Variants in CPA6 observed in about 807,000 individuals in gnomAD.
The protein encoded by CPA6 is carboxypeptidase B.
CPA6 carries 58 observed loss-of-function variants against 63.3 expected under a neutral mutation model. The observed-to-expected ratio is 0.92, with a 90% CI of 0.74 to 1.14. The LOEUF is 1.14. CPA6 is among the 50% of genes most tolerant of loss of function. CPA6 has a pLI of 0.00. For missense variants in CPA6, 565 were observed against 526.6 expected (o/e 1.07, Z -0.71); for synonymous variants, 185 against 179.0 (o/e 1.03, Z -0.27).
At chr8:67,635,278 TCAA>T (rs1402846522) in intron 1 of CPA6, among the ~76,000 whole-genome samples, 2 of 150,534 alleles carry the variant, frequency 1.3e-5, no homozygotes, top group Non-Finnish European at 2.9e-5. Flanking sequence ...CCGAATACAT[TCAA>T]CCTTTTTGTT....
intron 1 of CPA6, among the ~76,000 whole-genome samples, chr8:67,654,597 T>C (rs1815938394): frequency 6.6e-6 from 1 of 152,202 alleles, no homozygotes; most frequent in African/African-American, 2.4e-5. Context: ...ATATCCCCTT[T>C]ATCATTTTTT....
At chr8:67,459,204 T>C (rs1163728235) in intron 8 of CPA6, among the ~76,000 whole-genome samples, 1 of 152,168 alleles carries the variant, frequency 6.6e-6, no homozygotes, top group Non-Finnish European at 1.5e-5. Flanking sequence ...TTTGTATTTT[T>C]AGTAGAGATG....
chr8:67,428,472 T>G (rs930179001), intron 9 of CPA6, among the ~76,000 whole-genome samples: 9 of 152,118 alleles, frequency 5.9e-5, no homozygotes, highest in African/African-American at 2.2e-4. Context: ...TTGACTTTAG[T>G]TCAAGGCAAC....
intron 2 of CPA6, among the ~76,000 whole-genome samples, chr8:67,532,658 C>T (rs1307670875): frequency 6.6e-6 from 1 of 152,060 alleles, no homozygotes; most frequent in Non-Finnish European, 1.5e-5. Context: ...CAGACCAAGA[C>T]CCTGTGTCAA....
At chr8:67,589,514 G>A (rs1814046560) in intron 2 of CPA6, among the ~76,000 whole-genome samples, 1 of 152,092 alleles carries the variant, frequency 6.6e-6, no homozygotes. Flanking sequence ...CTTTACTGGG[G>A]GACAGGTAAG....
chr8:67,724,140 A>G (rs1482907050), intron 1 of CPA6, among the ~76,000 whole-genome samples: 1 of 152,166 alleles, frequency 6.6e-6, no homozygotes, highest in Non-Finnish European at 1.5e-5. Context: ...CCTCTCTGAC[A>G]CACTACTTCT....
intron 1 of CPA6, among the ~76,000 whole-genome samples, chr8:67,676,669 C>T (rs376754884): frequency 6.6e-6 from 1 of 152,182 alleles, no homozygotes; most frequent in Non-Finnish European, 1.5e-5. Context: ...CAGGCTTTTA[C>T]ATGCCTAGTG....
intron 2 of CPA6, among the ~76,000 whole-genome samples, chr8:67,612,588 G>C (rs1333779261): frequency 6.6e-6 from 1 of 152,240 alleles, no homozygotes; most frequent in Non-Finnish European, 1.5e-5. Context: ...CTGATGATCA[G>C]ATAGCCTCAA....
At chr8:67,595,322 G>A (rs1329221811) in intron 2 of CPA6, among the ~76,000 whole-genome samples, 2 of 152,194 alleles carry the variant, frequency 1.3e-5, no homozygotes, top group East Asian at 3.8e-4. Flanking sequence ...GGCTGCTCGG[G>A]GGTCAGGGGT....
At chr8:67,575,654 C>T (rs1270684179) in intron 2 of CPA6, among the ~76,000 whole-genome samples, 5 of 152,052 alleles carry the variant, frequency 3.3e-5, no homozygotes, top group African/African-American at 9.7e-5. Flanking sequence ...GCCAGGAGTT[C>T]GAGACCAGCC....
chr8:67,607,180 CTTCTTCTTCTTCTTCTTCTTCT>C lies in CPA6; in HGVS notation c.192+16974_192+16995del, dbSNP rs1564021258. 2.4e-3 allele frequency among the ~76,000 whole-genome samples: 45 copies of C among 19,110 alleles called. 3 individuals carry two copies. In the East Asian group the frequency reaches 0.063, roughly 27 times the overall value. 12.5% of individuals were successfully genotyped at this position (19,110 alleles called of 152,430 possible). A position where few individuals can be genotyped will look rare whatever the true frequency, so the allele number is the denominator to read the frequency against. On this transcript the variant is annotated intron_variant, in intron 2 of 10. Coordinates refer to ENST00000297770, the MANE Select transcript of CPA6 (RefSeq NM_020361.5). Reference sequence around the variant, plus strand: ...TCTTCTTCTTCTTCCTCTTCTTCTTCTTCTTCTTCTTCTTCTTCTTCTTCTTCTTCTTCTTCTTCTTCTTCTT... The same window carrying C: ...TCTTCTTCTTCTTCCTCTTCTTCTTCTCTTCTTCTTCTTCTTCTTCTTCTT...
chr8:67,677,342 C>CTTTTTTTTTTTTTTTTT (rs35049117), intron 1 of CPA6, among the ~76,000 whole-genome samples: 1 of 128,368 alleles, frequency 7.8e-6, no homozygotes, highest in Non-Finnish European at 1.6e-5. Context: ...AAAACACCTT[C>CTTTTTTTTTTTTTTTTT]TTTTTTTTTT....
chr8:67,665,700 A>G (rs1816211831), intron 1 of CPA6, among the ~76,000 whole-genome samples: 1 of 152,122 alleles, frequency 6.6e-6, no homozygotes, highest in Non-Finnish European at 1.5e-5. Flanking sequence ...TGGGACAGCA[A>G]TGATTTGTTT....
chr8:67,557,522 C>T (rs756346628), intron 2 of CPA6, among the ~76,000 whole-genome samples: 20 of 152,286 alleles, frequency 1.3e-4, no homozygotes, highest in African/African-American at 4.6e-4. Context: ...GTTTTTCTTA[C>T]CCAATCTGAA....
chr8:67,437,727 G>A (rs1407352013), intron 8 of CPA6, among the ~76,000 whole-genome samples: 1 of 152,060 alleles, frequency 6.6e-6, no homozygotes, highest in Non-Finnish European at 1.5e-5. Context: ...TTAATAAGAT[G>A]GAGAGTGGTT....
intron 1 of CPA6, among the ~76,000 whole-genome samples, chr8:67,632,553 C>T (rs539691198): frequency 2.0e-5 from 3 of 152,152 alleles, no homozygotes; most frequent in African/African-American, 2.4e-5. Context: ...CTCAAGTAAT[C>T]CTCCTACCTT....
intron 1 of CPA6, among the ~76,000 whole-genome samples, chr8:67,695,337 A>G (rs1816893437): frequency 6.6e-6 from 1 of 152,192 alleles, no homozygotes; most frequent in Non-Finnish European, 1.5e-5. Flanking sequence ...GCAGAGACCA[A>G]CACTGAGTCC....
chr8:67,645,331 G>A (rs186098937), intron 1 of CPA6, among the ~76,000 whole-genome samples: 1 of 152,276 alleles, frequency 6.6e-6, no homozygotes, highest in African/African-American at 2.4e-5. Flanking sequence ...ACAACAAAAT[G>A]CATTGCTCCT....
intron 8 of CPA6, among the ~76,000 whole-genome samples, chr8:67,444,771 CAAA>C (rs200276914): frequency 1.4e-4 from 13 of 94,284 alleles, no homozygotes; most frequent in African/African-American, 1.2e-4. Flanking sequence ...GACTCTGTCT[CAAA>C]AAAAAAAAAA....
Sources: allele counts gnomAD v4.1 joint callset (sites outside exome capture counted in the v4.1 genomes callset), GRCh38; gene constraint gnomAD v4.1.1; transcripts MANE v1.5; gene names NCBI Gene and HGNC (gene_info 2026-07-23, HGNC 2026-07-21).